The following STIM2 variants were observed in gnomAD, a reference collection of about 807,000 sequenced individuals.
The protein encoded by STIM2 is stromal interaction molecule 2.
STIM2 carries 31 observed loss-of-function variants against 85.8 expected under a neutral mutation model. That is an observed-to-expected ratio of 0.36 (90% CI 0.27 to 0.49). The LOEUF (loss-of-function observed/expected upper bound fraction) is 0.49, where lower values mean the gene tolerates loss of function less well. STIM2 is among the 20% of genes least tolerant of loss of function. The pLI is 0.98. For missense variants in STIM2, 841 were observed against 927.6 expected (o/e 0.91, Z 1.21); for synonymous variants, 356 against 331.1 (o/e 1.08, Z -0.82).
In STIM2 at chr4:27,022,822, G is replaced by A. The variant is rs1397241387; in HGVS notation, c.2067G>A (p.Pro689=). The A allele has an allele frequency of 3.7e-6, 6 of 1,614,158 alleles. No individual in the cohort carries two copies. The East Asian group carries it at 6.7e-5, about 18-fold the overall frequency. ...TGAACCAGCTTTCCAGTGGCATCCC[G>A]GTGCCTAAACCTCGCCACACATCAT... The change falls in exon 12 of 12, where the codon CCG becomes CCA. Residue 689 remains proline, a synonymous_variant. Transcript: ENST00000467087.
intron 1 of STIM2, among the ~76,000 whole-genome samples, chr4:26,862,338 T>C (rs1200745821): frequency 6.7e-6 from 1 of 149,836 alleles, no homozygotes; most frequent in East Asian, 1.9e-4. Flanking sequence ...TTTTTTTTAG[T>C]ATTTCACTTA....
chr4:26,953,827 G>C (rs556685279), intron 2 of STIM2, among the ~76,000 whole-genome samples: 7 of 151,942 alleles, frequency 4.6e-5, no homozygotes, highest in Non-Finnish European at 8.8e-5. Context: ...TTCAACATCA[G>C]TGTGTTTATC....
At chr4:26,940,002 C>G (rs1482256313) in intron 2 of STIM2, among the ~76,000 whole-genome samples, 2 of 152,104 alleles carry the variant, frequency 1.3e-5, no homozygotes, top group African/African-American at 4.8e-5. Context: ...AGGGGAGCAT[C>G]AAACAAAGCT....
rs142096775 is a variant in STIM2 at position 26,912,299 on chromosome 4, G to A, written c.152-7205G>A. Among the ~76,000 whole-genome samples the A allele has an allele frequency of 2.6e-5, 4 of 152,290 alleles. No homozygotes were observed. The East Asian group carries it at 7.7e-4, about 29-fold the overall frequency. Reference sequence around the variant, plus strand: ...TAGTGGGCTGCAGTCCTTAGTTTGTGATTGAGTCACCTGGCTCCCCTTCTT... The same window carrying A: ...TAGTGGGCTGCAGTCCTTAGTTTGTAATTGAGTCACCTGGCTCCCCTTCTT... On this transcript the variant is annotated intron_variant, in intron 1 of 11. Transcript: ENST00000467087.
intron 1 of STIM2, among the ~76,000 whole-genome samples, chr4:26,900,830 G>T (rs1378108133): frequency 6.6e-6 from 1 of 152,168 alleles, no homozygotes; most frequent in African/African-American, 2.4e-5. Context: ...TGTTTGTAGT[G>T]TCTTATCCCC....
At chr4:26,972,523 T>A (rs1359649650) in intron 3 of STIM2, among the ~76,000 whole-genome samples, 1 of 152,194 alleles carries the variant, frequency 6.6e-6, no homozygotes, top group Non-Finnish European at 1.5e-5. Flanking sequence ...TTTGGTTCTG[T>A]TTATATGCTG....
intron 11 of STIM2, 89 bp from the exon 12 acceptor site, chr4:27,022,430 C>A: frequency 9.4e-7 from 1 of 1,059,340 alleles, no homozygotes; most frequent in South Asian, 1.9e-5. Flanking sequence ...TTTCAAAAAG[C>A]AATGAAAGTT....
chr4:26,887,183 C>CTTTT (rs34736602), intron 1 of STIM2, among the ~76,000 whole-genome samples: 15 of 70,942 alleles, frequency 2.1e-4, no homozygotes, highest in East Asian at 4.8e-4. Context: ...AATAATTAAA[C>CTTTT]TTTTTTTTTT....
intron 3 of STIM2, among the ~76,000 whole-genome samples, chr4:26,983,668 A>G (rs13140015): frequency 6.6e-6 from 1 of 152,082 alleles, no homozygotes. Flanking sequence ...TTGTTTGGCA[A>G]CTAGAGTGAA....
At chr4:26,870,949 T>A (rs559046924) in intron 1 of STIM2, among the ~76,000 whole-genome samples, 47 of 151,582 alleles carry the variant, frequency 3.1e-4, no homozygotes, top group African/African-American at 1.1e-3. Context: ...GTGCCGAGAA[T>A]GTATGAGTTT....
At chr4:26,891,341 C>T (rs145774053) in intron 1 of STIM2, among the ~76,000 whole-genome samples, 46 of 152,208 alleles carry the variant, frequency 3.0e-4, no homozygotes, top group African/African-American at 1.1e-3. Flanking sequence ...AAGACTGTAA[C>T]CTAGACATTT....
At chr4:26,876,473 T>A (rs1722820602) in intron 1 of STIM2, among the ~76,000 whole-genome samples, 1 of 152,158 alleles carries the variant, frequency 6.6e-6, no homozygotes, top group Non-Finnish European at 1.5e-5. Context: ...CTCTTATCAA[T>A]CTCTAGATCC....
chr4:26,950,676 G>T (rs949905472), intron 2 of STIM2, among the ~76,000 whole-genome samples: 3 of 152,158 alleles, frequency 2.0e-5, no homozygotes, highest in Admixed American at 6.5e-5. Context: ...ATAAACTTAT[G>T]TTCTTTATAA....
chr4:26,968,241 C>T (rs1021155394), intron 3 of STIM2, among the ~76,000 whole-genome samples: 9 of 151,810 alleles, frequency 5.9e-5, no homozygotes, highest in African/African-American at 2.2e-4. Context: ...CATGCACACT[C>T]ACACACACAC....
chr4:26,884,067 C>T (rs980012967), intron 1 of STIM2, among the ~76,000 whole-genome samples: 1 of 152,102 alleles, frequency 6.6e-6, no homozygotes, highest in African/African-American at 2.4e-5. Flanking sequence ...TACCTGAGTT[C>T]CTTATATTTC....
chr4:26,884,345 T>G (rs925730939), intron 1 of STIM2, among the ~76,000 whole-genome samples: 3 of 152,192 alleles, frequency 2.0e-5, no homozygotes, highest in Non-Finnish European at 2.9e-5. Context: ...TATAGGAAAA[T>G]GTTTAGTACA....
chr4:26,917,984 C>T (rs866502704), intron 1 of STIM2, among the ~76,000 whole-genome samples: 8 of 152,028 alleles, frequency 5.3e-5, no homozygotes, highest in African/African-American at 1.2e-4. Context: ...ATTATGCCTC[C>T]GAGTTCTTGG....
At chr4:26,945,817 T>C (rs1438225644) in intron 2 of STIM2, among the ~76,000 whole-genome samples, 1 of 152,132 alleles carries the variant, frequency 6.6e-6, no homozygotes, top group Admixed American at 6.6e-5. Flanking sequence ...TAAATTTAAG[T>C]TGTATTTGGG....
chr4:26,939,455 A>C (rs1479644373), intron 2 of STIM2, among the ~76,000 whole-genome samples: 1 of 152,156 alleles, frequency 6.6e-6, no homozygotes, highest in Non-Finnish European at 1.5e-5. Flanking sequence ...TAATAATCTT[A>C]CTGGATCTAA....
Sources: allele counts gnomAD v4.1 joint callset (sites outside exome capture counted in the v4.1 genomes callset), GRCh38; gene constraint gnomAD v4.1.1; transcripts MANE v1.5; gene names NCBI Gene and HGNC (gene_info 2026-07-23, HGNC 2026-07-21).